Variants in R3HDM2 observed in about 807,000 individuals in gnomAD.
R3HDM2 encodes R3H domain containing 2.
Under a neutral mutation model 124.5 loss-of-function variants are expected in R3HDM2, and 38 were observed. The observed-to-expected ratio is 0.31, with a 90% CI of 0.24 to 0.40. The LOEUF (loss-of-function observed/expected upper bound fraction) is 0.40. R3HDM2 is among the 10% of genes least tolerant of loss of function. The pLI is 1.00. For missense variants in R3HDM2, 869 were observed against 1,236.9 expected (o/e 0.70, Z 4.46); for synonymous variants, 391 against 448.0 (o/e 0.87, Z 1.61).
At chr12:57,412,652 A>G (rs961179077) in intron 1 of R3HDM2, among the ~76,000 whole-genome samples, 2 of 152,224 alleles carry the variant, frequency 1.3e-5, no homozygotes, top group African/African-American at 4.8e-5. Flanking sequence ...GAAGATATAA[A>G]GAGGGAAACA....
At chr12:57,394,970 G>C (rs1271282120) in intron 2 of R3HDM2, among the ~76,000 whole-genome samples, 1 of 151,970 alleles carries the variant, frequency 6.6e-6, no homozygotes, top group Non-Finnish European at 1.5e-5. Context: ...AGCACTTTGG[G>C]AGGCCAAGGC....
intron 12 of R3HDM2, among the ~76,000 whole-genome samples, chr12:57,284,507 C>T (rs1478365631): frequency 3.3e-5 from 5 of 152,190 alleles, no homozygotes; most frequent in Non-Finnish European, 7.3e-5. Flanking sequence ...TGGATAAAAC[C>T]CACAATGGGT....
intron 6 of R3HDM2, among the ~76,000 whole-genome samples, chr12:57,299,024 A>C (rs1234124648): frequency 6.6e-6 from 1 of 152,196 alleles, no homozygotes; most frequent in Non-Finnish European, 1.5e-5. Context: ...TCCCCAAACC[A>C]AAATATAAAT....
At chr12:57,300,237 C>A in intron 4 of R3HDM2, 56 bp from the exon 5 acceptor site, 1 of 1,400,612 alleles carries the variant, frequency 7.1e-7, no homozygotes, top group South Asian at 1.3e-5. Context: ...TATATTTCTT[C>A]CCTCGGTGAA....
intron 1 of R3HDM2, among the ~76,000 whole-genome samples, chr12:57,414,312 C>T (rs2069328516): frequency 6.8e-6 from 1 of 147,362 alleles, no homozygotes; most frequent in Non-Finnish European, 1.5e-5. Flanking sequence ...ATGGTGAAAC[C>T]CCATCTCTAC....
chr12:57,265,528 AAAAAG>A (rs112695589), intron 19 of R3HDM2, among the ~76,000 whole-genome samples: 3,114 of 149,842 alleles, frequency 0.021, 30 homozygotes, highest in Middle Eastern at 0.079. Flanking sequence ...AAAAAAAGAA[AAAAAG>A]AAAAGAAAAG....
At chr12:57,302,003 G>A (rs1165750478) in intron 4 of R3HDM2, among the ~76,000 whole-genome samples, 1 of 152,208 alleles carries the variant, frequency 6.6e-6, no homozygotes, top group East Asian at 1.9e-4. Context: ...TAGGTTAGCT[G>A]AGTGCGGTGG....
intron 2 of R3HDM2, among the ~76,000 whole-genome samples, chr12:57,364,935 A>C (rs2062429370): frequency 7.2e-6 from 1 of 137,948 alleles, no homozygotes; most frequent in Non-Finnish European, 1.6e-5. Context: ...CCTGGGTGAC[A>C]GAGTGAGACT....
intron 1 of R3HDM2, chr12:57,418,228 TA>T (rs2069839715): frequency 2.0e-6 from 2 of 985,404 alleles, no homozygotes; most frequent in African/African-American, 3.5e-5. Context: ...TTCCCACATT[TA>T]AACAATCTCC....
At chr12:57,294,443 AGT>A (rs1218649538) in intron 10 of R3HDM2, among the ~76,000 whole-genome samples, 1 of 152,136 alleles carries the variant, frequency 6.6e-6, no homozygotes, top group East Asian at 1.9e-4. Context: ...AATCAGTCCC[AGT>A]GTGTTTGTCC....
intron 2 of R3HDM2, among the ~76,000 whole-genome samples, chr12:57,319,639 C>A: frequency 6.6e-6 from 1 of 152,142 alleles, no homozygotes; most frequent in African/African-American, 2.4e-5. Flanking sequence ...ACATTCCCAG[C>A]TTCTTTAAGT....
rs143260545 is a variant in R3HDM2, at chr12:57,294,730, G to A, written c.810+669C>T. Among the ~76,000 whole-genome samples, 875 of 152,226 alleles carry A rather than the reference G, an allele frequency of 5.7e-3. 3 individuals carry two copies. The highest frequency in any genetic ancestry group is 0.02 in the African/African-American group (850 of 41,532). Reference sequence around the variant, plus strand: ...CAAATAATCACTTACTATCTAAAGGGTAGGCTTCAGGTCAAAGCAATAGCC... The same window carrying A: ...CAAATAATCACTTACTATCTAAAGGATAGGCTTCAGGTCAAAGCAATAGCC... On this transcript the variant is annotated intron_variant, in intron 10 of 23. Coordinates refer to ENST00000402412, the MANE Select transcript of R3HDM2 (RefSeq NM_001394031.1).
intron 2 of R3HDM2, among the ~76,000 whole-genome samples, chr12:57,324,586 T>C (rs2056999813): frequency 6.6e-6 from 1 of 152,256 alleles, no homozygotes; most frequent in Admixed American, 6.5e-5. Flanking sequence ...TCATTAGTCC[T>C]CAAGCCTCTG....
In R3HDM2 at chr12:57,403,674, G is replaced by A. The variant is rs180865568; in HGVS notation, c.-105-7856C>T. On this transcript the variant is annotated intron_variant, in intron 1 of 23. Transcript: ENST00000402412. ...AAATACCAAAAATTAGCTGAGTGTG[G>A]TGGCTCACACCTGTAGTCCCAGCTC... 2.6e-5 allele frequency among the ~76,000 whole-genome samples: 4 copies of A among 151,992 alleles called. No homozygotes were observed. The East Asian group carries it at 7.7e-4, about 29-fold the overall frequency.
chr12:57,279,667 A>T (rs1235657923), intron 14 of R3HDM2, among the ~76,000 whole-genome samples: 2 of 151,880 alleles, frequency 1.3e-5, no homozygotes, highest in East Asian at 3.9e-4. Context: ...TACATTTTTT[A>T]AAAATTAAAA....
At chr12:57,381,978 G>C (rs1290740791) in intron 2 of R3HDM2, among the ~76,000 whole-genome samples, 1 of 151,608 alleles carries the variant, frequency 6.6e-6, no homozygotes, top group African/African-American at 2.4e-5. Flanking sequence ...ACCATGCCTG[G>C]CTAATTTTTT....
chr12:57,322,421 T>C (rs1702457513), intron 2 of R3HDM2, among the ~76,000 whole-genome samples: 1 of 152,182 alleles, frequency 6.6e-6, no homozygotes, highest in African/African-American at 2.4e-5. Flanking sequence ...TCTTCCATTC[T>C]TTGACATTGG....
intron 2 of R3HDM2, among the ~76,000 whole-genome samples, chr12:57,393,020 G>A (rs1259785735): frequency 6.6e-6 from 1 of 151,864 alleles, no homozygotes; most frequent in Non-Finnish European, 1.5e-5. Context: ...TAGCCAGTAT[G>A]GTCTCAATCT....
intron 2 of R3HDM2, among the ~76,000 whole-genome samples, chr12:57,354,183 A>C (rs2060985417): frequency 6.7e-6 from 1 of 149,976 alleles, no homozygotes; most frequent in South Asian, 2.1e-4. Flanking sequence ...TTTTTTTTTT[A>C]AGTCTGTTTC....
Sources: allele counts gnomAD v4.1 joint callset (sites outside exome capture counted in the v4.1 genomes callset), GRCh38; gene constraint gnomAD v4.1.1; transcripts MANE v1.5; gene names NCBI Gene and HGNC (gene_info 2026-07-23, HGNC 2026-07-21).